NAALADL2: variants seen among roughly 807,000 people sequenced by gnomAD.
The protein encoded by NAALADL2 is N-acetylated alpha-linked acidic dipeptidase like 2, also known as inactive N-acetylated-alpha-linked acidic dipeptidase-like protein 2.
Under a neutral mutation model 87.2 loss-of-function variants are expected in NAALADL2, and 76 were observed. The ratio of observed to expected loss-of-function variants is 0.87; its 90% CI spans 0.72 to 1.05. The LOEUF is 1.05. NAALADL2 is among the 50% of genes least tolerant of loss of function. The pLI, the probability that NAALADL2 is intolerant of heterozygous loss-of-function variation, is 0.00. For synonymous variants in NAALADL2, 354 were observed against 331.0 expected, an observed-to-expected ratio of 1.07 and a Z score of -0.75; for missense variants, 1,089 against 945.8, an observed-to-expected ratio of 1.15 and a Z score of -1.99.
At chr3:174,724,692 T>C (rs1450132927) in intron 2 of NAALADL2, among the ~76,000 whole-genome samples, 1 of 152,170 alleles carries the variant, frequency 6.6e-6, no homozygotes, top group Non-Finnish European at 1.5e-5. Flanking sequence ...TATATTTTAT[T>C]TGCTATCTGC....
intron 11 of NAALADL2, among the ~76,000 whole-genome samples, chr3:175,723,719 C>A (rs1471998051): frequency 6.6e-6 from 1 of 151,980 alleles, no homozygotes; most frequent in Non-Finnish European, 1.5e-5. Flanking sequence ...GAAAGGGATC[C>A]CTTGCAACAT....
chr3:174,991,832 G>T (rs537608720), intron 1 of NAALADL2, among the ~76,000 whole-genome samples: 1 of 152,124 alleles, frequency 6.6e-6, no homozygotes, highest in South Asian at 2.1e-4. Context: ...GTCTGTGTTT[G>T]CACATGACTG....
At chr3:175,664,515 G>A (rs1165322811) in intron 11 of NAALADL2, among the ~76,000 whole-genome samples, 2 of 152,044 alleles carry the variant, frequency 1.3e-5, no homozygotes, top group South Asian at 2.1e-4. Context: ...AGTATCTATA[G>A]TGCCTAGAAC....
intron 6 of NAALADL2, among the ~76,000 whole-genome samples, chr3:175,451,983 G>A (rs190163204): frequency 1.3e-5 from 2 of 152,210 alleles, no homozygotes; most frequent in East Asian, 3.9e-4. Context: ...CATTTCTTGA[G>A]TACAAATTTA....
intron 2 of NAALADL2, among the ~76,000 whole-genome samples, chr3:175,182,804 A>G (rs972945928): frequency 2.0e-5 from 3 of 151,956 alleles, no homozygotes; most frequent in African/African-American, 7.2e-5. Context: ...ACAAAAAAAT[A>G]ATTGCCTAGA....
At chr3:175,048,788 G>A (rs893008730) in intron 1 of NAALADL2, among the ~76,000 whole-genome samples, 1 of 151,976 alleles carries the variant, frequency 6.6e-6, no homozygotes, top group Non-Finnish European at 1.5e-5. Flanking sequence ...TAACATTAAG[G>A]TTCTCTTTTT....
chr3:174,900,331 G>A (rs934838087), intron 1 of NAALADL2, among the ~76,000 whole-genome samples: 5 of 152,028 alleles, frequency 3.3e-5, no homozygotes, highest in Admixed American at 6.6e-5. Flanking sequence ...AAGGGGTTAA[G>A]TATACTTTTA....
intron 1 of NAALADL2, among the ~76,000 whole-genome samples, chr3:174,973,063 A>G (rs1416935300): frequency 2.0e-5 from 3 of 151,950 alleles, no homozygotes; most frequent in African/African-American, 7.2e-5. Flanking sequence ...TAGAAGGCAT[A>G]TAGCACTGTT....
intron 4 of NAALADL2, among the ~76,000 whole-genome samples, chr3:175,277,337 A>T (rs900835947): frequency 3.9e-5 from 6 of 152,196 alleles, no homozygotes; most frequent in Non-Finnish European, 8.8e-5. Context: ...GTTTTGACTA[A>T]CGTATCTGAT....
At chr3:175,355,117 G>A (rs1764220267) in intron 5 of NAALADL2, among the ~76,000 whole-genome samples, 1 of 150,678 alleles carries the variant, frequency 6.6e-6, no homozygotes, top group African/African-American at 2.4e-5. Flanking sequence ...CGCCCAGGCT[G>A]GAGTGCAGTT....
At chr3:175,736,855 A>G (rs1249203387) in intron 11 of NAALADL2, among the ~76,000 whole-genome samples, 2 of 152,188 alleles carry the variant, frequency 1.3e-5, no homozygotes, top group African/African-American at 4.8e-5. Flanking sequence ...AAACTGCCAA[A>G]TGTGGCCTGT....
At chr3:175,046,293 GA>G (rs1234614735) in intron 1 of NAALADL2, among the ~76,000 whole-genome samples, 2 of 152,068 alleles carry the variant, frequency 1.3e-5, no homozygotes, top group African/African-American at 4.8e-5. Context: ...CTTTTAATAA[GA>G]TGCTAGTGAT....
chr3:175,215,272 A>G (rs1170457412), intron 2 of NAALADL2, among the ~76,000 whole-genome samples: 2 of 152,194 alleles, frequency 1.3e-5, no homozygotes, highest in Non-Finnish European at 2.9e-5. Context: ...ATTAAAAATC[A>G]GAGAAATATC....
chr3:174,606,273 G>C (rs887861074), intron 2 of NAALADL2, among the ~76,000 whole-genome samples: 2 of 152,218 alleles, frequency 1.3e-5, no homozygotes, highest in Non-Finnish European at 2.9e-5. Context: ...CTCTCCTCCT[G>C]CAAAGGAACG....
chr3:175,124,134 T>A (rs965276140), intron 2 of NAALADL2, among the ~76,000 whole-genome samples: 1 of 152,108 alleles, frequency 6.6e-6, no homozygotes, highest in Admixed American at 6.6e-5. Flanking sequence ...TGACTTCTTC[T>A]GTTTGTAGGG....
intron 2 of NAALADL2, among the ~76,000 whole-genome samples, chr3:175,181,737 G>A (rs979499802): frequency 3.2e-5 from 2 of 62,728 alleles, no homozygotes; most frequent in African/African-American, 7.0e-5. Context: ...GTATATATGT[G>A]TATATATGTA....
At chr3:175,074,654 A>T (rs1236939674) in intron 1 of NAALADL2, among the ~76,000 whole-genome samples, 2 of 152,088 alleles carry the variant, frequency 1.3e-5, no homozygotes, top group Non-Finnish European at 2.9e-5. Context: ...CTATAGGTAT[A>T]TTAAAAATAG....
At chr3:175,357,522 TTTTC>T (rs1399052167) in intron 5 of NAALADL2, among the ~76,000 whole-genome samples, 2 of 152,182 alleles carry the variant, frequency 1.3e-5, no homozygotes, top group African/African-American at 4.8e-5. Context: ...AGATTTTTCC[TTTTC>T]TTTATTTGGT....
chr3:174,723,783 A>AAAAT (rs397943341), intron 2 of NAALADL2, among the ~76,000 whole-genome samples: 3 of 147,306 alleles, frequency 2.0e-5, no homozygotes, highest in Non-Finnish European at 4.5e-5. Context: ...AAAAAAAAAA[A>AAAAT]GCCTAGATAG....
Sources: allele counts gnomAD v4.1 joint callset (sites outside exome capture counted in the v4.1 genomes callset), GRCh38; gene constraint gnomAD v4.1.1; transcripts MANE v1.5; gene names NCBI Gene and HGNC (gene_info 2026-07-23, HGNC 2026-07-21).